The following CAPSL variants were observed in gnomAD, a reference collection of about 807,000 sequenced individuals.
CAPSL encodes the protein calcyphosine like, also known as calcyphosin-like protein.
Under a neutral mutation model 21.3 loss-of-function variants are expected in CAPSL, and 17 were observed. That is an observed-to-expected ratio of 0.80 (90% CI 0.55 to 1.20). CAPSL has a LOEUF of 1.20. Among genes scored for constraint, CAPSL ranks in the 50% most tolerant of loss-of-function variants. The probability of loss-of-function intolerance (pLI) is 0.00; values close to 1 mark genes in which losing one functional copy is unlikely to be tolerated. For missense variants in CAPSL, 289 were observed against 259.3 expected (o/e 1.11, Z -0.79); for synonymous variants, 102 against 89.3 (o/e 1.14, Z -0.80).
intron 2 of CAPSL, among the ~76,000 whole-genome samples, chr5:35,920,386 A>G (rs1002057183): frequency 6.6e-6 from 1 of 152,090 alleles, no homozygotes; most frequent in African/African-American, 2.4e-5. Flanking sequence ...AGTTTCTTAT[A>G]ATGCACAGGA....
At chr5:35,906,510 C>T (rs1281861809) in intron 4 of CAPSL, among the ~76,000 whole-genome samples, 1 of 152,176 alleles carries the variant, frequency 6.6e-6, no homozygotes, top group Non-Finnish European at 1.5e-5. Context: ...CTGCCTGAAA[C>T]TCAGATGTGC....
intron 4 of CAPSL, among the ~76,000 whole-genome samples, chr5:35,905,798 G>A (rs1477421364): frequency 1.3e-5 from 2 of 152,190 alleles, no homozygotes; most frequent in African/African-American, 4.8e-5. Context: ...GTTTATCAGT[G>A]TGGGTCCACA....
chr5:35,931,659 G>C (rs75653798), intron 1 of CAPSL, among the ~76,000 whole-genome samples: 18,286 of 152,090 alleles, frequency 0.12, 1,441 homozygotes, highest in Non-Finnish European at 0.18. Context: ...AGGTCAACCT[G>C]CTCGATGCAA....
chr5:35,937,227 T>C (rs897334903), intron 1 of CAPSL, among the ~76,000 whole-genome samples: 6 of 152,198 alleles, frequency 3.9e-5, no homozygotes, highest in Non-Finnish European at 7.3e-5. Flanking sequence ...TGAGCAATCT[T>C]TAGAAAATGA....
intron 4 of CAPSL, among the ~76,000 whole-genome samples, chr5:35,907,584 G>A (rs1760707736): frequency 6.6e-6 from 1 of 152,134 alleles, no homozygotes; most frequent in Non-Finnish European, 1.5e-5. Context: ...GCTGCTATGG[G>A]AGTCCAGTGA....
At chr5:35,924,997 AC>A (rs1463250253) in intron 1 of CAPSL, among the ~76,000 whole-genome samples, 3 of 152,220 alleles carry the variant, frequency 2.0e-5, no homozygotes, top group African/African-American at 7.2e-5. Flanking sequence ...CTCTGTCTGA[AC>A]CTTAAAGATC....
At chr5:35,934,307 C>T (rs1738891393) in intron 1 of CAPSL, among the ~76,000 whole-genome samples, 1 of 152,214 alleles carries the variant, frequency 6.6e-6, no homozygotes, top group Non-Finnish European at 1.5e-5. Flanking sequence ...ACCAAGCATA[C>T]CTTCCATCCA....
chr5:35,907,302 C>T (rs1041527721), intron 4 of CAPSL, among the ~76,000 whole-genome samples: 6 of 151,992 alleles, frequency 3.9e-5, no homozygotes, highest in African/African-American at 9.7e-5. Context: ...AGTAATATAC[C>T]TAACATATTT....
chr5:35,917,840 C>T (rs376327090), intron 2 of CAPSL, among the ~76,000 whole-genome samples: 3 of 151,826 alleles, frequency 2.0e-5, no homozygotes, highest in African/African-American at 2.4e-5. Context: ...GCGTTGTGCA[C>T]GTGTATCCTA....
intron 1 of CAPSL, among the ~76,000 whole-genome samples, chr5:35,929,024 G>A (rs1738753648): frequency 6.6e-6 from 1 of 152,304 alleles, no homozygotes; most frequent in East Asian, 1.9e-4. Flanking sequence ...AGTAAGAGGA[G>A]TAAGGCCTTA....
Position 35,910,554 on chromosome 5 carries a change from T to A in CAPSL, c.138-11A>T. 6.4e-7 allele frequency: 1 copy of A among 1,568,374 alleles called. No homozygotes were observed. Reference sequence around the variant, plus strand: ...ATAATTCTAAACACTCTGAAGAAAATACACACAAAAATTCAGAAGAAATGT... The same window carrying A: ...ATAATTCTAAACACTCTGAAGAAAAAACACACAAAAATTCAGAAGAAATGT... On this transcript the variant is annotated splice_polypyrimidine_tract_variant and intron_variant, in intron 2 of 4. Coordinates refer to ENST00000651391, the MANE Select transcript of CAPSL (RefSeq NM_001042625.2).
chr5:35,921,291 C>G (rs1335413275), intron 1 of CAPSL, among the ~76,000 whole-genome samples, 171 bp from the exon 2 acceptor site: 2 of 152,210 alleles, frequency 1.3e-5, no homozygotes, highest in East Asian at 3.9e-4. Flanking sequence ...ATATTTATAA[C>G]TTACTTATCT....
chr5:35,904,782 T>C, intron 4 of CAPSL, 136 bp from the exon 5 acceptor site: 1 of 1,304,786 alleles, frequency 7.7e-7, no homozygotes, highest in African/African-American at 1.5e-5. Flanking sequence ...GGAACTGATC[T>C]AAAACAAAAG....
At chr5:35,912,172 C>G (rs894003494) in intron 2 of CAPSL, among the ~76,000 whole-genome samples, 3 of 152,134 alleles carry the variant, frequency 2.0e-5, no homozygotes, top group African/African-American at 7.2e-5. Context: ...GAGGGATGCC[C>G]ACCATTGCTG....
chr5:35,925,915 A>G (rs7716969), intron 1 of CAPSL, among the ~76,000 whole-genome samples: 82,687 of 151,564 alleles, frequency 0.55, 23,415 homozygotes, highest in East Asian at 0.88. Context: ...CGTCTCTACC[A>G]ATATACAAAA....
chr5:35,929,279 CTTT>C (rs10574026), intron 1 of CAPSL, among the ~76,000 whole-genome samples: 27,982 of 117,818 alleles, frequency 0.24, 2,980 homozygotes, highest in Middle Eastern at 0.29. Context: ...AAAACAGTTC[CTTT>C]TTTTTTTTTT....
intron 2 of CAPSL, among the ~76,000 whole-genome samples, chr5:35,917,588 C>G (rs1278712360): frequency 1.3e-5 from 2 of 152,006 alleles, no homozygotes; most frequent in African/African-American, 2.4e-5. Context: ...AAGCTGGAAA[C>G]CATCATTCTC....
chr5:35,927,371 T>C (rs1429538478), intron 1 of CAPSL, among the ~76,000 whole-genome samples: 1 of 152,232 alleles, frequency 6.6e-6, no homozygotes, highest in Non-Finnish European at 1.5e-5. Context: ...CCTGTGCCAT[T>C]ACATTAGCTA....
chr5:35,926,698 TGCAGCCAA>T (rs1263213631), intron 1 of CAPSL, among the ~76,000 whole-genome samples: 1 of 152,184 alleles, frequency 6.6e-6, no homozygotes, highest in Non-Finnish European at 1.5e-5. Context: ...CCTCTCCATC[TGCAGCCAA>T]CTACCTGCAA....
Sources: allele counts gnomAD v4.1 joint callset (sites outside exome capture counted in the v4.1 genomes callset), GRCh38; gene constraint gnomAD v4.1.1; transcripts MANE v1.5; gene names NCBI Gene and HGNC (gene_info 2026-07-23, HGNC 2026-07-21).